The following COL18A1 variants were observed in gnomAD, a reference collection of about 807,000 sequenced individuals.
COL18A1 encodes the protein collagen type XVIII alpha 1 chain.
Under a neutral mutation model 168.0 loss-of-function variants are expected in COL18A1, and 133 were observed. The ratio of observed to expected loss-of-function variants is 0.79; its 90% confidence interval spans 0.69 to 0.91. The LOEUF (loss-of-function observed/expected upper bound fraction) is 0.91, where lower values mean the gene tolerates loss of function less well. COL18A1 is among the 40% of genes least tolerant of loss of function. The probability of loss-of-function intolerance (pLI) is 0.00; values close to 1 mark genes in which losing one functional copy is unlikely to be tolerated. For synonymous variants in COL18A1, 949 were observed against 809.0 expected, an observed-to-expected ratio of 1.17 and a Z score of -2.94; for missense variants, 2,126 against 1,925.4, an observed-to-expected ratio of 1.10 and a Z score of -1.95.
chr21:45,458,371 C>T (rs1054113342), intron 2 of COL18A1, among the ~76,000 whole-genome samples: 4 of 151,320 alleles, frequency 2.6e-5, no homozygotes, highest in African/African-American at 7.3e-5. Flanking sequence ...GCCGTGCCCA[C>T]GGCTGTTGGC....
At chr21:45,495,500 C>G (rs530046121) in intron 29 of COL18A1, 68 bp downstream of exon 29, 243 of 1,372,950 alleles carry the variant, frequency 1.8e-4, no homozygotes, top group Non-Finnish European at 5.0e-5. Context: ...CTGGCCACAG[C>G]CTGGGGTCCT....
At chr21:45,507,950 A>G (rs1465475804) in intron 38 of COL18A1, among the ~76,000 whole-genome samples, 1 of 152,222 alleles carries the variant, frequency 6.6e-6, no homozygotes, top group African/African-American at 2.4e-5. Context: ...ACAAGAATGG[A>G]TATCTCTAAG....
At position 45,468,291 on chromosome 21, in the gene COL18A1, G is replaced by A. The variant is rs373105258; in HGVS notation, c.156G>A (p.Pro52=). 74 of 1,613,202 alleles carry A rather than the reference G, an allele frequency of 4.6e-5. No homozygotes were observed. The highest frequency in any genetic ancestry group is 5.6e-5 in the Non-Finnish European group (66 of 1,180,038). Residue 52 remains proline, a synonymous_variant, in exon 3 of 42, where the codon CCG becomes CCA. Coordinates refer to ENST00000651438, the MANE Select transcript of COL18A1 (RefSeq NM_001379500.1). ...TGCTGCAGCTCCTTGGGGACCCCCC[G>A]CCCCAGCAGGTCACCCAGACGGATG... ...VGLLQLLGDP[P]PQQVTQTDDP...
In COL18A1 at chr21:45,480,050, G is replaced by A; in HGVS notation, c.1312-20G>A. 6.2e-7 allele frequency: 1 copy of A among 1,611,836 alleles called. No homozygotes were observed. The highest frequency in any genetic ancestry group is 8.5e-7 in the Non-Finnish European group (1 of 1,178,230). On this transcript the variant is annotated intron_variant, in intron 10 of 41. Coordinates refer to ENST00000651438, the MANE Select transcript of COL18A1 (RefSeq NM_001379500.1). Reference sequence around the variant, plus strand: ...CTGTGTGCGTGCCCAGGGTATGATAGGCTTGTCTTGTGTTCCCAGGGAGAC... The same window carrying A: ...CTGTGTGCGTGCCCAGGGTATGATAAGCTTGTCTTGTGTTCCCAGGGAGAC...
At chr21:45,452,759 TGCATGTGAGTATTCACTGACGTGTGA>T (rs1459162964) in intron 2 of COL18A1, among the ~76,000 whole-genome samples, 1 of 152,066 alleles carries the variant, frequency 6.6e-6, no homozygotes, top group East Asian at 1.9e-4. Flanking sequence ...TGATTGTGTA[TGCATGTGAGTATTCACTGACGTGTGA>T]GCATGCATGT....
In COL18A1 at chr21:45,468,736, G is replaced by T; in HGVS notation, c.601G>T (p.Ala201Ser). ...SSRGLELEPG[A>S]GLFVAQAGGA... ...ACGGGGCCTGGAGCTGGAGCCTGGC[G>T]CCGGGCTCTTCGTGGCTCAGGCGGG... The change falls in exon 3 of 42, where the codon GCC (alanine) becomes TCC (serine). Residue 201 changes from alanine (A) to serine (S), a missense_variant. By Grantham distance (99) the Ala-to-Ser change is moderately conservative. Coordinates refer to ENST00000651438, the MANE Select transcript of COL18A1 (RefSeq NM_001379500.1). 6.2e-7 allele frequency: 1 copy of T among 1,610,618 alleles called. No individual in the cohort carries two copies.
At chr21:45,480,902 G>T in intron 13 of COL18A1, 44 bp downstream of exon 13, 1 of 1,574,278 alleles carries the variant, frequency 6.4e-7, no homozygotes. Flanking sequence ...CCTGTCTGCT[G>T]GGAGTGAGGG....
chr21:45,414,189 T>C (rs899636679), intron 2 of COL18A1, among the ~76,000 whole-genome samples: 3 of 152,206 alleles, frequency 2.0e-5, no homozygotes, highest in Non-Finnish European at 4.4e-5. Context: ...GCTGCTGCCC[T>C]GCCTCTTGCT....
intron 7 of COL18A1, 92 bp from the exon 8 acceptor site, chr21:45,477,658 C>T (rs1733788103): frequency 1.5e-6 from 2 of 1,362,598 alleles, no homozygotes; most frequent in East Asian, 5.0e-5. Context: ...GGAAGCAGCC[C>T]AGCCTGGGAC....
In COL18A1 at chr21:45,412,573, T is replaced by C. The variant is rs528571401; in HGVS notation, c.106+7100T>C. 2.1e-4 allele frequency among the ~76,000 whole-genome samples: 32 copies of C among 152,222 alleles called. 1 individual carries two copies. In the Middle Eastern group the frequency reaches 0.014, roughly 65 times the overall value. ...TATATTTCTTAATGTGTGGAGTTGT[T>C]TTTCCTCATTTTTCTGGTCCCTTTA... is the stretch of plus-strand genomic sequence containing the variant. On this transcript the variant is annotated intron_variant, in intron 2 of 41. Transcript: ENST00000651438.
intron 2 of COL18A1, among the ~76,000 whole-genome samples, chr21:45,430,778 G>A (rs1004815127): frequency 3.3e-5 from 5 of 152,152 alleles, no homozygotes; most frequent in South Asian, 2.1e-4. Flanking sequence ...CCCTCAGCCC[G>A]CACTCGTCCA....
At chr21:45,508,569 T>C (rs1339695451) in intron 38 of COL18A1, among the ~76,000 whole-genome samples, 1 of 151,724 alleles carries the variant, frequency 6.6e-6, no homozygotes, top group Admixed American at 6.6e-5. Context: ...TTCCTAAGTG[T>C]TGCGTCCAGC....
At chr21:45,497,862 G>C in intron 32 of COL18A1, 1 of 683,176 alleles carries the variant, frequency 1.5e-6, no homozygotes, top group Non-Finnish European at 2.5e-6. Flanking sequence ...GTGGCTGCAG[G>C]GCACAAGCCC....
At position 45,493,737 on chromosome 21, in the gene COL18A1, A is replaced by T. The variant is rs893521758; in HGVS notation, c.2352+162A>T. On this transcript the variant is annotated intron_variant, in intron 26 of 41. Transcript: ENST00000651438. ...GCCCTGGTGGCCCCTCCTTTCTCGC[A>T]CCCATGTCGGCGGTTCCGCCGGCCC... 2.6e-5 allele frequency: 16 copies of T among 626,142 alleles called. No homozygotes were observed. In the Middle Eastern group the frequency reaches 2.1e-3, roughly 84 times the overall value. The allele number at this position is 626,142 out of a possible 1,614,324, so 38.8% of individuals were successfully genotyped here.
intron 15 of COL18A1, among the ~76,000 whole-genome samples, chr21:45,483,589 C>A (rs1167353941): frequency 1.3e-5 from 2 of 152,190 alleles, no homozygotes; most frequent in Non-Finnish European, 2.9e-5. Context: ...GCCGACCCCA[C>A]CACAGACGCC....
intron 2 of COL18A1, chr21:45,455,397 G>C: frequency 7.8e-7 from 1 of 1,277,708 alleles, no homozygotes; most frequent in Non-Finnish European, 1.1e-6. Flanking sequence ...TTCTGCAAGA[G>C]TGGGGGGTGG....
At chr21:45,405,298 C>CGCGGGGGTCCCGGGGCTCGGCCGGGTCCT in intron 1 of COL18A1, 57 bp downstream of exon 1, 1 of 521,436 alleles carries the variant, frequency 1.9e-6, no homozygotes, top group Non-Finnish European at 2.4e-6. Context: ...CTGCGGGGGT[C>CGCGGGGGTCCCGGGGCTCGGCCGGGTCCT]GCGGGGGTCG....
At chr21:45,451,566 C>T (rs1005191593) in intron 2 of COL18A1, among the ~76,000 whole-genome samples, 2 of 152,180 alleles carry the variant, frequency 1.3e-5, no homozygotes, top group Non-Finnish European at 2.9e-5. Context: ...CACTTGTCTG[C>T]GTGGGGTTTG....
Position 45,473,827 on chromosome 21 carries a change from C to T in COL18A1, c.652-68C>T. On this transcript the variant is annotated intron_variant, in intron 3 of 41. Transcript: ENST00000651438. The surrounding 1 kb of genome is among the most constrained non-coding windows in gnomAD (Gnocchi z 4.0). Reference sequence around the variant, plus strand: ...TGTGGGCCCCCCGAAATCTGGAGCTCAAGCAGCACCGGGGTTGCCACTGCC... The same window carrying T: ...TGTGGGCCCCCCGAAATCTGGAGCTTAAGCAGCACCGGGGTTGCCACTGCC... 7.5e-7 allele frequency: 1 copy of T among 1,331,420 alleles called. No homozygotes were observed. 82.5% of individuals were successfully genotyped at this position (1,331,420 alleles called of 1,614,324 possible).
Sources: gnomAD v4.1 joint callset for allele counts (sites outside exome capture counted in the v4.1 genomes callset) on GRCh38, gnomAD v4.1.1 for gene constraint, Gnocchi (gnomAD v3.1) non-coding constraint, MANE v1.5 for transcripts, NCBI Gene and HGNC (gene_info 2026-07-23, HGNC 2026-07-21) for gene names.